FHIT: variants seen among roughly 807,000 people sequenced by gnomAD.
The protein encoded by FHIT is fragile histidine triad diadenosine triphosphatase, also known as bis(5'-adenosyl)-triphosphatase.
A neutral mutation model predicts 17.9 loss-of-function variants in FHIT; 19 were observed. That is an observed-to-expected ratio of 1.06 (90% CI 0.74 to 1.56). The LOEUF (loss-of-function observed/expected upper bound fraction) is 1.56, where lower values mean the gene tolerates loss of function less well. FHIT is among the 40% of genes most tolerant of loss of function. The pLI is 0.00. For missense variants in FHIT, 248 were observed against 189.2 expected (o/e 1.31, Z -1.82); for synonymous variants, 81 against 69.7 (o/e 1.16, Z -0.81).
At chr3:59,929,000 A>G (rs1705816365) in intron 7 of FHIT, among the ~76,000 whole-genome samples, 2 of 143,644 alleles carry the variant, frequency 1.4e-5, no homozygotes, top group South Asian at 2.1e-4. Flanking sequence ...ATCTCAAAAA[A>G]AAAAAAAAAA....
intron 5 of FHIT, among the ~76,000 whole-genome samples, chr3:60,175,426 C>T (rs1040568745): frequency 1.1e-4 from 17 of 152,016 alleles, no homozygotes. Flanking sequence ...GAGATAATAG[C>T]ATAATTATAT....
chr3:61,133,275 CT>C (rs2106962663), intron 2 of FHIT, among the ~76,000 whole-genome samples: 1 of 152,306 alleles, frequency 6.6e-6, no homozygotes, highest in South Asian at 2.1e-4. Context: ...TTGTGAACCT[CT>C]TGAGGGTACA....
At chr3:59,969,705 G>A (rs541524170) in intron 7 of FHIT, among the ~76,000 whole-genome samples, 27 of 152,032 alleles carry the variant, frequency 1.8e-4, no homozygotes, top group African/African-American at 6.0e-4. Context: ...TCCCTCAATG[G>A]GCACAAATTC....
In FHIT at chr3:59,922,353, T is replaced by C. The variant is rs141172262; in HGVS notation, c.341A>G (p.Tyr114Cys). ...CAGAGAGAACAGACCCACCTCCTCA[T>C]AGATGCTGTCATTCCTGTGAAAGTC... ...AGDFHRNDSI[Y>C]EELQKHDKED... is the part of the protein sequence containing the mutation. Residue 114 changes from tyrosine (Y) to cysteine (C), a missense_variant, in exon 8 of 10, where the codon TAT (tyrosine) becomes TGT (cysteine). By Grantham distance (194) the Tyr-to-Cys change is radical. Transcript: ENST00000492590. 5.6e-6 allele frequency: 9 copies of C among 1,613,426 alleles called. No individual in the cohort carries two copies. The African/African-American group carries it at 8.0e-5, about 14-fold the overall frequency.
At chr3:59,936,329 C>T (rs544533589) in intron 7 of FHIT, among the ~76,000 whole-genome samples, 21 of 152,204 alleles carry the variant, frequency 1.4e-4, no homozygotes, top group Middle Eastern at 6.8e-3. Flanking sequence ...CCTCTGGGTG[C>T]CTTTCTGTTG....
At chr3:60,003,139 A>G (rs1699791371) in intron 7 of FHIT, among the ~76,000 whole-genome samples, 1 of 152,170 alleles carries the variant, frequency 6.6e-6, no homozygotes, top group African/African-American at 2.4e-5. Context: ...TGTACACATT[A>G]CCCAATTTAA....
rs1350790948 is a variant in FHIT, at chr3:60,014,174, C to T, written c.104-22G>A. 5 of 1,612,850 alleles carry T rather than the reference C, an allele frequency of 3.1e-6. No individual in the cohort carries two copies. The South Asian group carries it at 4.4e-5, about 14-fold the overall frequency. ...ACATCTGTAGCAAGGTCTGTTAAGG[C>T]CCATGCTGCTGGCTTTGGGTAGTGT... On this transcript the variant is annotated intron_variant, in intron 5 of 9. Transcript: ENST00000492590.
At chr3:60,795,119 C>G (rs1224463924) in intron 4 of FHIT, among the ~76,000 whole-genome samples, 29 of 152,088 alleles carry the variant, frequency 1.9e-4, no homozygotes, top group Admixed American at 1.8e-3. Flanking sequence ...GCTTTTTTTT[C>G]ACTTCATGTG....
At chr3:60,041,119 G>T in intron 5 of FHIT, among the ~76,000 whole-genome samples, 1 of 152,144 alleles carries the variant, frequency 6.6e-6, no homozygotes, top group East Asian at 1.9e-4. Context: ...ACCTGTGCAT[G>T]AAATATTTTT....
At chr3:60,672,403 G>A (rs2040527570) in intron 4 of FHIT, among the ~76,000 whole-genome samples, 1 of 151,922 alleles carries the variant, frequency 6.6e-6, no homozygotes, top group Admixed American at 6.6e-5. Context: ...CAGGAGTGGG[G>A]GTCGCAAGGT....
chr3:59,759,501 TTGTC>T (rs1297627625), intron 8 of FHIT, among the ~76,000 whole-genome samples: 1 of 152,208 alleles, frequency 6.6e-6, no homozygotes, highest in African/African-American at 2.4e-5. Context: ...TCCCTGGTGC[TTGTC>T]TGTAAAGCAC....
intron 5 of FHIT, among the ~76,000 whole-genome samples, chr3:60,176,963 G>T (rs546423586): frequency 6.6e-6 from 1 of 151,970 alleles, no homozygotes; most frequent in South Asian, 2.1e-4. Context: ...AGAAAGGCCA[G>T]AAATCCAAAG....
In FHIT at chr3:60,618,821, A is replaced by G. The variant is rs546094462; in HGVS notation, c.-17-81842T>C. Among the ~76,000 whole-genome samples the G allele has an allele frequency of 1.4e-4, 21 of 152,300 alleles. No homozygotes were observed. The South Asian group carries it at 3.5e-3, about 26-fold the overall frequency. The stretch of plus-strand genomic sequence containing the variant: ...GCAAAAGAGGTCAGAATGATGCTGT[A>G]TAAGACAGACTTGACCACTTTGAAG... On this transcript the variant is annotated intron_variant, in intron 4 of 9. Coordinates refer to ENST00000492590, the MANE Select transcript of FHIT (RefSeq NM_002012.4).
chr3:60,504,712 T>C (rs370438559), intron 5 of FHIT, among the ~76,000 whole-genome samples: 7 of 152,328 alleles, frequency 4.6e-5, no homozygotes, highest in African/African-American at 1.4e-4. Flanking sequence ...AAATATGCTT[T>C]AGAAATATGT....
intron 8 of FHIT, among the ~76,000 whole-genome samples, chr3:59,800,745 G>T (rs1172470592): frequency 2.6e-5 from 4 of 152,156 alleles, no homozygotes; most frequent in African/African-American, 9.7e-5. Flanking sequence ...GAGAAAGGGG[G>T]TCTTAAATGT....
intron 5 of FHIT, among the ~76,000 whole-genome samples, chr3:60,301,769 G>T (rs1276700672): frequency 6.6e-6 from 1 of 152,138 alleles, no homozygotes; most frequent in Non-Finnish European, 1.5e-5. Context: ...ATTACTTCTA[G>T]TTAGAGGAGA....
At chr3:60,022,949 G>A (rs1700605298) in intron 5 of FHIT, among the ~76,000 whole-genome samples, 5 of 152,144 alleles carry the variant, frequency 3.3e-5, no homozygotes, top group African/African-American at 9.7e-5. Context: ...ATACAGAAGT[G>A]TCTAGAATTT....
chr3:60,560,089 G>A (rs1037512231), intron 4 of FHIT, among the ~76,000 whole-genome samples: 1 of 151,834 alleles, frequency 6.6e-6, no homozygotes, highest in Admixed American at 6.6e-5. Context: ...TGGGGAAACT[G>A]TGCACAGTTT....
intron 5 of FHIT, among the ~76,000 whole-genome samples, chr3:60,521,286 C>G (rs2035350565): frequency 6.6e-6 from 1 of 151,936 alleles, no homozygotes; most frequent in South Asian, 2.1e-4. Context: ...CTTGCTCTGT[C>G]TCCCAGGCTG....
Sources: gnomAD v4.1 joint callset for allele counts (sites outside exome capture counted in the v4.1 genomes callset) on GRCh38, gnomAD v4.1.1 for gene constraint, MANE v1.5 for transcripts, NCBI Gene and HGNC (gene_info 2026-07-23, HGNC 2026-07-21) for gene names.